Variants in MPP7 observed in about 807,000 individuals in gnomAD.
The protein encoded by MPP7 is MAGUK p55 subfamily member 7.
MPP7 carries 60 observed loss-of-function variants against 76.5 expected under a neutral mutation model. That is an observed-to-expected ratio of 0.78 (90% CI 0.64 to 0.97). MPP7 has a LOEUF of 0.97. Ranked by LOEUF, MPP7 falls within the 50% of genes least tolerant of loss-of-function variation. The pLI is 0.00. For synonymous variants in MPP7, 237 were observed against 244.5 expected (o/e 0.97, Z 0.29); for missense variants, 641 against 694.0 (o/e 0.92, Z 0.86).
At chr10:28,185,516 T>G (rs1837207033) in intron 3 of MPP7, among the ~76,000 whole-genome samples, 1 of 152,110 alleles carries the variant, frequency 6.6e-6, no homozygotes, top group African/African-American at 2.4e-5. Context: ...GAAAACAGGA[T>G]GCAGACAGCA....
intron 2 of MPP7, among the ~76,000 whole-genome samples, chr10:28,205,214 G>A (rs1453673589): frequency 6.6e-6 from 1 of 152,136 alleles, no homozygotes; most frequent in East Asian, 1.9e-4. Context: ...CCAGAGCCGT[G>A]TGCAGTCTCC....
chr10:28,121,477 T>C (rs1025973394), intron 8 of MPP7, among the ~76,000 whole-genome samples: 1 of 151,960 alleles, frequency 6.6e-6, no homozygotes, highest in African/African-American at 2.4e-5. Flanking sequence ...TCCAACGTAA[T>C]AGATTAATTG....
chr10:28,239,513 A>C (rs899131738), intron 1 of MPP7, among the ~76,000 whole-genome samples: 9 of 152,160 alleles, frequency 5.9e-5, no homozygotes, highest in African/African-American at 1.9e-4. Context: ...TGATGTCTGC[A>C]ACTAACCTTG....
intron 1 of MPP7, among the ~76,000 whole-genome samples, chr10:28,258,180 T>C (rs1839845377): frequency 6.6e-6 from 1 of 151,446 alleles, no homozygotes; most frequent in Non-Finnish European, 1.5e-5. Flanking sequence ...TAGAACCCGA[T>C]GTTCCTTCCA....
intron 2 of MPP7, among the ~76,000 whole-genome samples, chr10:28,327,392 AT>A (rs1346403582): frequency 2.0e-5 from 3 of 150,292 alleles, no homozygotes; most frequent in African/African-American, 7.4e-5. Context: ...GAAAAAAAAA[AT>A]TTATATTTCT....
chr10:28,056,637 A>G lies in MPP7; in HGVS notation c.1408-14T>C. On this transcript the variant is annotated splice_polypyrimidine_tract_variant and intron_variant, in intron 15 of 16. Transcript: ENST00000683449. ...ATGCTTCACTGTCTACAAGGAAGAA[A>G]AGAAAGTTTTCTCACATTTCTCCAT... 1 of 1,535,098 alleles carries G rather than the reference A, an allele frequency of 6.5e-7. No individual in the cohort carries two copies. Among genetic ancestry groups the G allele is most frequent in the South Asian group, 1.3e-5 (1 of 78,132 alleles).
intron 2 of MPP7, chr10:28,236,855 G>T (rs895905157): frequency 3.3e-5 from 5 of 152,162 alleles, no homozygotes; most frequent in Admixed American, 2.6e-4. Context: ...GACCCGACTG[G>T]CCAGTTGCAA....
chr10:28,056,301 G>A (rs962660937), intron 16 of MPP7, among the ~76,000 whole-genome samples, 179 bp downstream of exon 16: 3 of 152,156 alleles, frequency 2.0e-5, no homozygotes, highest in African/African-American at 7.2e-5. Flanking sequence ...GGGACTACAG[G>A]TGTCCAACCA....
At chr10:28,095,548 A>G (rs1211175536) in intron 11 of MPP7, among the ~76,000 whole-genome samples, 1 of 152,140 alleles carries the variant, frequency 6.6e-6, no homozygotes, top group Admixed American at 6.6e-5. Flanking sequence ...GTTAAGTCTA[A>G]GCTTAAGGGA....
intron 3 of MPP7, among the ~76,000 whole-genome samples, chr10:28,192,250 AC>A (rs1837436102): frequency 6.6e-6 from 1 of 152,190 alleles, no homozygotes; most frequent in Non-Finnish European, 1.5e-5. Flanking sequence ...TGTTTTCACC[AC>A]AGCTATTCAA....
At chr10:28,252,515 C>A (rs1303476739) in intron 1 of MPP7, among the ~76,000 whole-genome samples, 1 of 152,190 alleles carries the variant, frequency 6.6e-6, no homozygotes, top group Non-Finnish European at 1.5e-5. Context: ...ATTGCTCAAG[C>A]CTGGGTTGTA....
chr10:28,291,279 T>G (rs904701786), intron 1 of MPP7, among the ~76,000 whole-genome samples: 1 of 152,178 alleles, frequency 6.6e-6, no homozygotes, highest in Non-Finnish European at 1.5e-5. Flanking sequence ...CTCCTTTGGA[T>G]AGGATGACAG....
chr10:28,087,334 T>C (rs1236522881), intron 12 of MPP7, among the ~76,000 whole-genome samples: 1 of 152,188 alleles, frequency 6.6e-6, no homozygotes, highest in African/African-American at 2.4e-5. Context: ...TCTTTATGAA[T>C]TACCCAATCT....
intron 11 of MPP7, chr10:28,118,651 A>T (rs536865511): frequency 3.0e-6 from 3 of 985,248 alleles, no homozygotes; most frequent in Non-Finnish European, 3.6e-6. Context: ...TTCTGTGACA[A>T]GGGTTTTTTT....
chr10:28,260,205 GTTA>G (rs1839904892), intron 1 of MPP7, among the ~76,000 whole-genome samples: 1 of 151,976 alleles, frequency 6.6e-6, no homozygotes, highest in Non-Finnish European at 1.5e-5. Context: ...CTTTCTACTT[GTTA>G]ATTAATACAT....
intron 1 of MPP7, among the ~76,000 whole-genome samples, chr10:28,268,667 G>A (rs1296592214): frequency 6.6e-6 from 1 of 151,386 alleles, no homozygotes; most frequent in Non-Finnish European, 1.5e-5. Flanking sequence ...GAGAGGCAGA[G>A]AAGATTGCAG....
chr10:28,133,430 T>G (rs1469063880), intron 5 of MPP7, among the ~76,000 whole-genome samples: 5 of 152,182 alleles, frequency 3.3e-5, no homozygotes, highest in African/African-American at 9.6e-5. Context: ...AAACATTACA[T>G]AAAAGCAGAT....
intron 12 of MPP7, among the ~76,000 whole-genome samples, chr10:28,087,486 C>A (rs139733646): frequency 6.6e-6 from 1 of 152,040 alleles, no homozygotes; most frequent in Admixed American, 6.5e-5. Flanking sequence ...ACCTCTGCCT[C>A]CCAGGTTCAA....
At chr10:28,088,655 C>T (rs940050136) in intron 12 of MPP7, among the ~76,000 whole-genome samples, 2 of 152,182 alleles carry the variant, frequency 1.3e-5, no homozygotes, top group Non-Finnish European at 2.9e-5. Context: ...CACTAAGAGA[C>T]ACCATGCTCT....
Sources: allele counts gnomAD v4.1 joint callset (sites outside exome capture counted in the v4.1 genomes callset), GRCh38; gene constraint gnomAD v4.1.1; transcripts MANE v1.5; gene names NCBI Gene and HGNC (gene_info 2026-07-23, HGNC 2026-07-21).